The following CPPED1 variants were observed in gnomAD, a reference collection of about 807,000 sequenced individuals.
CPPED1 encodes calcineurin like phosphoesterase domain containing 1, also known as serine/threonine-protein phosphatase CPPED1.
Under a neutral mutation model 28.0 loss-of-function variants are expected in CPPED1, and 28 were observed. The ratio of observed to expected loss-of-function variants is 1.00; its 90% CI spans 0.74 to 1.37. The LOEUF is 1.37. Ranked by LOEUF, CPPED1 falls within the 40% of genes most tolerant of loss-of-function variation. CPPED1 has a pLI of 0.00. For missense variants in CPPED1, 504 were observed against 416.5 expected (o/e 1.21, Z -1.83); for synonymous variants, 198 against 180.2 (o/e 1.10, Z -0.79).
intron 2 of CPPED1, among the ~76,000 whole-genome samples, chr16:12,733,415 C>T (rs2080209817): frequency 6.6e-6 from 1 of 151,882 alleles, no homozygotes; most frequent in Non-Finnish European, 1.5e-5. Context: ...GTTAGGATTA[C>T]AGGCGCCCGC....
rs187270729 is a variant in CPPED1, at chr16:12,717,420, C to T, written c.290-12371G>A. ...CTGGGACTACAGGCGCCCGCCACTG[C>T]GCCTGGCTAATTTTTTTGTATTTTT... On this transcript the variant is annotated intron_variant, in intron 2 of 3. Coordinates refer to ENST00000381774, the MANE Select transcript of CPPED1 (RefSeq NM_018340.3). Among the ~76,000 whole-genome samples the T allele has an allele frequency of 7.4e-3, 1,129 of 152,234 alleles. 14 individuals are homozygous for T. The highest frequency in any genetic ancestry group is 0.026 in the African/African-American group (1,065 of 41,544).
intron 2 of CPPED1, among the ~76,000 whole-genome samples, chr16:12,755,754 A>G (rs900014378): frequency 6.6e-6 from 1 of 152,228 alleles, no homozygotes; most frequent in African/African-American, 2.4e-5. Context: ...TGTTTGGGAC[A>G]GCGTCATGTG....
At chr16:12,675,825 A>G (rs1018492219) in intron 3 of CPPED1, among the ~76,000 whole-genome samples, 8 of 152,248 alleles carry the variant, frequency 5.3e-5, no homozygotes, top group Admixed American at 2.0e-4. Context: ...AAAATGTGAC[A>G]CAAATAAAAA....
intron 3 of CPPED1, among the ~76,000 whole-genome samples, chr16:12,681,152 C>A (rs112707202): frequency 7.3e-6 from 1 of 137,892 alleles, no homozygotes; most frequent in African/African-American, 2.7e-5. Flanking sequence ...AATAGCCATG[C>A]GTTATTATTT....
intron 2 of CPPED1, among the ~76,000 whole-genome samples, chr16:12,770,547 G>C (rs1347800137): frequency 6.6e-6 from 1 of 152,112 alleles, no homozygotes; most frequent in Non-Finnish European, 1.5e-5. Flanking sequence ...GCTGACCAGG[G>C]CGTGGTGGCT....
intron 2 of CPPED1, among the ~76,000 whole-genome samples, chr16:12,734,401 C>T (rs560823507): frequency 3.8e-4 from 56 of 148,960 alleles, no homozygotes; most frequent in African/African-American, 1.3e-3. Context: ...GTTTTTGAGA[C>T]GGAGTCTCGC....
At chr16:12,728,056 C>T (rs1419611808) in intron 2 of CPPED1, among the ~76,000 whole-genome samples, 1 of 152,204 alleles carries the variant, frequency 6.6e-6, no homozygotes, top group African/African-American at 2.4e-5. Context: ...TACAATCACG[C>T]TTCCTTCCCT....
chr16:12,697,727 C>A (rs1238399598), intron 3 of CPPED1, among the ~76,000 whole-genome samples: 10 of 152,100 alleles, frequency 6.6e-5, no homozygotes. Flanking sequence ...GCTACAGAGA[C>A]CATAGAGCCA....
rs1279763519 is a variant in CPPED1, at chr16:12,759,178, A to G, written c.289+22007T>C. ...ACTCTGTCTCTAAAAAAAAAAAAAA[A>G]AAAAAAAAGACAAAAAAAAAGTGCT... On this transcript the variant is annotated intron_variant, in intron 2 of 3. Transcript: ENST00000381774. 4.6e-5 allele frequency: 7 copies of G among 151,598 alleles called. No individual in the cohort carries two copies. The East Asian group carries it at 1.4e-3, about 29-fold the overall frequency. The allele number at this position is 151,598 out of a possible 1,614,324, so 9.4% of individuals were successfully genotyped here. A position where few individuals can be genotyped will look rare whatever the true frequency, so the allele number is the denominator to read the frequency against.
intron 2 of CPPED1, among the ~76,000 whole-genome samples, chr16:12,773,539 A>G (rs866130453): frequency 2.6e-5 from 4 of 152,162 alleles, no homozygotes; most frequent in Middle Eastern, 3.2e-3. Context: ...CCTAGGCAAC[A>G]TGGTGAAACC....
At chr16:12,667,737 T>C (rs756179559) in intron 3 of CPPED1, among the ~76,000 whole-genome samples, 3 of 152,188 alleles carry the variant, frequency 2.0e-5, no homozygotes, top group Non-Finnish European at 2.9e-5. Flanking sequence ...ATTTGAGTTC[T>C]CTGAATTCAA....
intron 2 of CPPED1, among the ~76,000 whole-genome samples, chr16:12,769,761 C>A (rs2080459383): frequency 6.6e-6 from 1 of 152,128 alleles, no homozygotes; most frequent in African/African-American, 2.4e-5. Context: ...AAAATCTGAG[C>A]ACAGACAGCC....
At chr16:12,686,107 G>A (rs1047545442) in intron 3 of CPPED1, among the ~76,000 whole-genome samples, 1 of 152,100 alleles carries the variant, frequency 6.6e-6, no homozygotes, top group African/African-American at 2.4e-5. Flanking sequence ...GGAGTTTCCT[G>A]TTCTGTACAG....
Position 12,726,805 on chromosome 16 carries a change from T to C in CPPED1, c.290-21756A>G, listed in dbSNP as rs550186434. Among the ~76,000 whole-genome samples the C allele has an allele frequency of 1.1e-4, 16 of 152,038 alleles. No homozygotes were observed. In the South Asian group the frequency reaches 3.1e-3, roughly 30 times the overall value. On this transcript the variant is annotated intron_variant, in intron 2 of 3. Coordinates refer to ENST00000381774, the MANE Select transcript of CPPED1 (RefSeq NM_018340.3). ...GCCTGGGTGACAGAGCAAGACCCTG[T>C]CTCAAAATAAATAAATAAATAAATA...
rs372746171 is a variant in CPPED1, at chr16:12,677,881, T to C, written c.716-12766A>G. ...CCAGAAAGGTCTGGACAGTAAATAT[T>C]TTCGCCTTTGTGGGCCATGTGGTCT... On this transcript the variant is annotated intron_variant, in intron 3 of 3. Coordinates refer to ENST00000381774, the MANE Select transcript of CPPED1 (RefSeq NM_018340.3). Among the ~76,000 whole-genome samples the C allele has an allele frequency of 2.2e-4, 33 of 152,332 alleles. 1 individual carries two copies. In the South Asian group the frequency reaches 2.3e-3, roughly 11 times the overall value.
At chr16:12,756,824 T>G (rs888548545) in intron 2 of CPPED1, among the ~76,000 whole-genome samples, 1 of 152,212 alleles carries the variant, frequency 6.6e-6, no homozygotes, top group Non-Finnish European at 1.5e-5. Context: ...TGGAAGTTTA[T>G]GATACCAATT....
At chr16:12,705,128 T>C in intron 2 of CPPED1, 79 bp from the exon 3 acceptor site, 1 of 1,393,646 alleles carries the variant, frequency 7.2e-7, no homozygotes, top group East Asian at 2.4e-5. Context: ...CTTACTAACA[T>C]AAAATTTAAA....
chr16:12,751,987 T>C (rs368585836), intron 2 of CPPED1, among the ~76,000 whole-genome samples: 2 of 152,314 alleles, frequency 1.3e-5, no homozygotes, highest in East Asian at 3.9e-4. Flanking sequence ...GCAAGCTTCC[T>C]AGAGCCACCA....
chr16:12,668,167 C>G (rs921623707), intron 3 of CPPED1, among the ~76,000 whole-genome samples: 2 of 152,072 alleles, frequency 1.3e-5, no homozygotes, highest in Admixed American at 1.3e-4. Context: ...AACATAAAAA[C>G]TAAAAGTTTA....
Sources: allele counts gnomAD v4.1 joint callset (sites outside exome capture counted in the v4.1 genomes callset), GRCh38; gene constraint gnomAD v4.1.1; transcripts MANE v1.5; gene names NCBI Gene and HGNC (gene_info 2026-07-23, HGNC 2026-07-21).